HMGXB4: variants seen among roughly 807,000 people sequenced by gnomAD.
HMGXB4 encodes HMG domain-containing protein 4.
A neutral mutation model predicts 63.9 loss-of-function variants in HMGXB4; 27 were observed. That is an observed-to-expected ratio of 0.42 (90% CI 0.31 to 0.58). The LOEUF is 0.58. Among genes scored for constraint, HMGXB4 ranks in the 20% least tolerant of loss-of-function variants. The probability of loss-of-function intolerance (pLI) is 0.13; values close to 1 mark genes in which losing one functional copy is unlikely to be tolerated. For synonymous variants in HMGXB4, 264 were observed against 265.3 expected (o/e 0.99, Z 0.05); for missense variants, 624 against 700.7 (o/e 0.89, Z 1.24).
At chr22:35,284,507 T>A (rs1831058899) in intron 6 of HMGXB4, among the ~76,000 whole-genome samples, 1 of 152,226 alleles carries the variant, frequency 6.6e-6, no homozygotes, top group Non-Finnish European at 1.5e-5. Flanking sequence ...ACATCACAGC[T>A]TAGCTGAGCC....
In HMGXB4 at chr22:35,287,350, T is replaced by G; in HGVS notation, c.1366T>G (p.Trp456Gly). The G allele has an allele frequency of 6.2e-7, 1 of 1,611,392 alleles. No individual in the cohort carries two copies. Among genetic ancestry groups the G allele is most frequent in the Non-Finnish European group, 8.5e-7 (1 of 1,177,928 alleles). ...KQLPEKDKLI[W>G]KQKAQYLQHK... ...ATGTTCACTGATGTGATTGCAGATT[T>G]GGAAGCAAAAAGCTCAGTATCTGCA... The change falls in exon 8 of 11, where the codon TGG becomes GGG. Residue 456 changes from tryptophan (W) to glycine (G), a missense_variant. Coordinates refer to ENST00000216106, the MANE Select transcript of HMGXB4 (RefSeq NM_001003681.3).
intron 6 of HMGXB4, among the ~76,000 whole-genome samples, chr22:35,284,864 A>G (rs1269226017): frequency 6.6e-6 from 1 of 152,226 alleles, no homozygotes; most frequent in Non-Finnish European, 1.5e-5. Context: ...AATGTGTAAA[A>G]TCGCTGCCCT....
chr22:35,269,786 C>T (rs997986279), intron 5 of HMGXB4, among the ~76,000 whole-genome samples: 5 of 152,080 alleles, frequency 3.3e-5, no homozygotes, highest in African/African-American at 1.2e-4. Flanking sequence ...ACAGGAGGAT[C>T]GCTTGAGTCC....
At chr22:35,263,972 T>C (rs1327116209) in intron 4 of HMGXB4, 98 bp downstream of exon 4, 1 of 1,582,092 alleles carries the variant, frequency 6.3e-7, no homozygotes, top group East Asian at 2.4e-5. Flanking sequence ...CTCAGTGGCC[T>C]ATTTAACAGG....
intron 5 of HMGXB4, among the ~76,000 whole-genome samples, chr22:35,274,227 C>T (rs1923766832): frequency 6.6e-6 from 1 of 152,088 alleles, no homozygotes; most frequent in African/African-American, 2.4e-5. Context: ...ATCTTAAGGC[C>T]AAGTAGGAAT....
At chr22:35,248,141 C>T in the HMGXB4 span, among the ~76,000 whole-genome samples, 2 of 152,016 alleles carry the variant, frequency 1.3e-5, no homozygotes, top group African/African-American at 4.8e-5. Flanking sequence ...AGAAAAGGTA[C>T]AATAAAAATA....
At chr22:35,279,128 TTG>T (rs1924083377) in intron 5 of HMGXB4, among the ~76,000 whole-genome samples, 1 of 136,338 alleles carries the variant, frequency 7.3e-6, no homozygotes, top group Non-Finnish European at 1.6e-5. Flanking sequence ...AGTCTATGGA[TTG>T]TCTTTTTTTT....
chr22:35,266,685 T>C (rs1053017696), intron 5 of HMGXB4, among the ~76,000 whole-genome samples: 1 of 152,210 alleles, frequency 6.6e-6, no homozygotes, highest in African/African-American at 2.4e-5. Context: ...GAAAATCAAA[T>C]GTATTAAGAA....
chr22:35,279,530 T>TA (rs1924119191), intron 5 of HMGXB4, among the ~76,000 whole-genome samples: 1 of 152,134 alleles, frequency 6.6e-6, no homozygotes, highest in Non-Finnish European at 1.5e-5. Flanking sequence ...ATTATGTCTT[T>TA]GGTTTCTGTT....
At chr22:35,265,811 G>T (rs1211003151) in intron 5 of HMGXB4, among the ~76,000 whole-genome samples, 1 of 150,518 alleles carries the variant, frequency 6.6e-6, no homozygotes, top group Non-Finnish European at 1.5e-5. Flanking sequence ...TTTTGAGATG[G>T]AGTCTCGCTC....
chr22:35,245,247 C>T, the HMGXB4 span, among the ~76,000 whole-genome samples: 3 of 151,894 alleles, frequency 2.0e-5, no homozygotes, highest in Admixed American at 2.0e-4. Flanking sequence ...CTCCATTCTG[C>T]CGTTGAGCTC....
intron 5 of HMGXB4, among the ~76,000 whole-genome samples, chr22:35,278,624 G>T (rs917203948): frequency 6.6e-6 from 1 of 150,976 alleles, no homozygotes; most frequent in Non-Finnish European, 1.5e-5. Context: ...GGGGTCTGGG[G>T]CTTTTAAATT....
chr22:35,259,476 A>G (rs1448648138), intron 1 of HMGXB4, among the ~76,000 whole-genome samples: 3 of 151,958 alleles, frequency 2.0e-5, no homozygotes, highest in African/African-American at 7.3e-5. Flanking sequence ...CTCACAATCT[A>G]CTCTCTACCC....
At chr22:35,271,817 G>A (rs1923623933) in intron 5 of HMGXB4, among the ~76,000 whole-genome samples, 1 of 152,200 alleles carries the variant, frequency 6.6e-6, no homozygotes. Context: ...TTTCAACAAT[G>A]TATGTTACAT....
Position 35,263,802 on chromosome 22 carries a change from G to A in HMGXB4, c.187G>A (p.Glu63Lys), listed in dbSNP as rs774181993. 2.2e-5 allele frequency: 36 copies of A among 1,610,238 alleles called. No homozygotes were observed. The highest frequency in any genetic ancestry group is 3.0e-5 in the Non-Finnish European group (35 of 1,176,544). The change falls in exon 4 of 11, where the codon GAA becomes AAA. Residue 63 changes from glutamate to lysine, a missense_variant. Glu to Lys is a moderately conservative substitution (Grantham distance 56, BLOSUM62 1). This residue lies in a region of HMGXB4 where 472 missense variants were observed against 470.6 expected (regional missense o/e 1.00). Transcript: ENST00000216106. ...AATTCTTCTTTAATTATAGGATAGT[G>A]AACTTTACTTCTTGGGGACGGACAC... Reference protein sequence around the residue: ...NSSKKKLKDSELYFLGTDTHK... With the variant: ...NSSKKKLKDSKLYFLGTDTHK...
intron 5 of HMGXB4, among the ~76,000 whole-genome samples, chr22:35,277,966 T>G (rs1260492991): frequency 6.6e-6 from 1 of 152,190 alleles, no homozygotes; most frequent in African/African-American, 2.4e-5. Context: ...GCCATCACAG[T>G]CTCAGGCAGA....
At chr22:35,274,230 G>A (rs1465760916) in intron 5 of HMGXB4, among the ~76,000 whole-genome samples, 2 of 152,188 alleles carry the variant, frequency 1.3e-5, no homozygotes, top group African/African-American at 2.4e-5. Flanking sequence ...TTAAGGCCAA[G>A]TAGGAATTAT....
intron 5 of HMGXB4, among the ~76,000 whole-genome samples, chr22:35,277,601 G>A (rs1338806260): frequency 6.6e-6 from 1 of 152,196 alleles, no homozygotes; most frequent in East Asian, 1.9e-4. Flanking sequence ...GCCCGCCTTG[G>A]CCTCCCAAAG....
Position 35,279,132 on chromosome 22 carries a change from CTTTTTTTTTTTTTTTTTTT to C in HMGXB4, c.1216-4817_1216-4799del, listed in dbSNP as rs551006065. 9.8e-5 allele frequency among the ~76,000 whole-genome samples: 5 copies of C among 50,804 alleles called. No homozygotes were observed. The South Asian group carries it at 4.5e-3, about 45-fold the overall frequency. The allele number at this position is 50,804 out of a possible 152,430, so 33.3% of individuals were successfully genotyped here. On this transcript the variant is annotated intron_variant, in intron 5 of 10. Coordinates refer to ENST00000216106, the MANE Select transcript of HMGXB4 (RefSeq NM_001003681.3). ...TATTTTCTCACAGTCTATGGATTGT[CTTTTTTTTTTTTTTTTTTT>C]TTTTTTTTTTTTGAGACGGAGTTTC...
Sources: allele counts gnomAD v4.1 joint callset (sites outside exome capture counted in the v4.1 genomes callset), GRCh38; gene constraint gnomAD v4.1.1; regional missense constraint gnomAD v4.1.1; transcripts MANE v1.5; gene names NCBI Gene and HGNC (gene_info 2026-07-23, HGNC 2026-07-21).